The following DST variants were observed in gnomAD, a reference collection of about 807,000 sequenced individuals.
DST encodes dystonin.
Under a neutral mutation model 875.2 loss-of-function variants are expected in DST, and 253 were observed. That is an observed-to-expected ratio of 0.29 (90% confidence interval 0.26 to 0.32). The LOEUF is 0.32. Among genes scored for constraint, DST ranks in the 10% least tolerant of loss-of-function variants. The pLI is 1.00. For synonymous variants in DST, 3,124 were observed against 3,197.1 expected, an observed-to-expected ratio of 0.98 and a Z score of 0.77; for missense variants, 8,287 against 9,111.6, an observed-to-expected ratio of 0.91 and a Z score of 3.68.
chr6:56,522,899 G>A (rs1298481178), intron 69 of DST, among the ~76,000 whole-genome samples: 1 of 152,092 alleles, frequency 6.6e-6, no homozygotes, highest in Non-Finnish European at 1.5e-5. Flanking sequence ...CAGAACCCAA[G>A]TCTGTACATT....
chr6:56,734,564 G>T (rs1025041535), intron 5 of DST, among the ~76,000 whole-genome samples: 1 of 152,092 alleles, frequency 6.6e-6, no homozygotes, highest in African/African-American at 2.4e-5. Flanking sequence ...AATCCTAAGG[G>T]TTCCTTACAC....
chr6:56,629,170 C>T (rs1274465672), intron 32 of DST, 80 bp downstream of exon 32: 1 of 1,381,512 alleles, frequency 7.2e-7, no homozygotes, highest in South Asian at 1.2e-5. Flanking sequence ...AAAAAAATAG[C>T]CTCATATGTG....
chr6:56,603,468 C>A, intron 41 of DST, 48 bp from the exon 42 acceptor site: 1 of 1,595,190 alleles, frequency 6.3e-7, no homozygotes, highest in South Asian at 1.1e-5. Context: ...GTGAAAAACC[C>A]AAATATAAAC....
intron 49 of DST, among the ~76,000 whole-genome samples, chr6:56,586,716 C>T (rs1197362441): frequency 2.0e-5 from 3 of 152,032 alleles, no homozygotes. Flanking sequence ...GACAAAACTT[C>T]CAGAGGAATG....
intron 10 of DST, among the ~76,000 whole-genome samples, chr6:56,658,165 C>A (rs1056670272): frequency 6.6e-6 from 1 of 152,118 alleles, no homozygotes; most frequent in African/African-American, 2.4e-5. Flanking sequence ...TGGGTTCAAG[C>A]GATCCTCCTG....
chr6:56,598,188 C>T (rs762029798), intron 46 of DST, among the ~76,000 whole-genome samples, 182 bp from the exon 47 acceptor site: 1 of 152,086 alleles, frequency 6.6e-6, no homozygotes, highest in Non-Finnish European at 1.5e-5. Context: ...TTGAAGTTTC[C>T]CCTGTTCTTA....
In DST at chr6:56,578,865, C is replaced by A; in HGVS notation, c.12976G>T (p.Asp4326Tyr). 1 of 1,611,054 alleles carries A rather than the reference C, an allele frequency of 6.2e-7. No homozygotes were observed. The highest frequency in any genetic ancestry group is 2.2e-5 in the East Asian group (1 of 44,764). ...GCTGGAAGTAAAGATCCCCTGGCAT[C>A]TAAAAGCACTTCAGCCGTTTTCTTC... Reference protein sequence around the residue: ...KLKKTAEVLLDARGSLLPAKN... With the variant: ...KLKKTAEVLLYARGSLLPAKN... Residue 4326 changes from aspartate (D) to tyrosine (Y), a missense_variant, in exon 50 of 104, where the codon GAT becomes TAT. Asp to Tyr is a radical substitution (Grantham distance 160). Coordinates refer to ENST00000680361, the MANE Select transcript of DST (RefSeq NM_001374736.1).
intron 61 of DST, among the ~76,000 whole-genome samples, chr6:56,543,350 A>C (rs1428519356): frequency 3.9e-5 from 6 of 152,204 alleles, no homozygotes; most frequent in African/African-American, 7.2e-5. Context: ...TGTTCTCCAG[A>C]GTAAAGTATT....
intron 12 of DST, among the ~76,000 whole-genome samples, 171 bp from the exon 13 acceptor site, chr6:56,648,860 C>T (rs995414131): frequency 2.6e-5 from 4 of 152,168 alleles, no homozygotes; most frequent in African/African-American, 9.7e-5. Flanking sequence ...CACATAAACA[C>T]CTGTAAAATT....
chr6:56,465,990 C>G, intron 99 of DST, 88 bp downstream of exon 99: 1 of 1,090,306 alleles, frequency 9.2e-7, no homozygotes, highest in Non-Finnish European at 1.3e-6. Context: ...GAATAAATGA[C>G]CAAAATTATG....
In DST at chr6:56,629,230, G is replaced by C. The variant is rs2098757829; in HGVS notation, c.4475+20C>G. On this transcript the variant is annotated intron_variant, in intron 32 of 103. Coordinates refer to ENST00000680361, the MANE Select transcript of DST (RefSeq NM_001374736.1). The stretch of plus-strand genomic sequence containing the variant: ...TAGACATTAAATCTGTGCTAAAACT[G>C]AACAAAAAAGGATACTAACCTGTTG... 2 of 1,612,454 alleles carry C rather than the reference G, an allele frequency of 1.2e-6. No individual in the cohort carries two copies. Among genetic ancestry groups the C allele is most frequent in the Non-Finnish European group, 1.7e-6 (2 of 1,178,826 alleles).
At chr6:56,761,852 A>G (rs564713020) in intron 4 of DST, among the ~76,000 whole-genome samples, 96 of 152,348 alleles carry the variant, frequency 6.3e-4, no homozygotes, top group African/African-American at 2.2e-3. Context: ...AAATAATTAT[A>G]TATAGAAACT....
chr6:56,619,334 TCATTA>T, intron 36 of DST: 1 of 1,613,436 alleles, frequency 6.2e-7, no homozygotes, highest in Non-Finnish European at 8.5e-7. Flanking sequence ...CTCTGCACAC[TCATTA>T]CTTTTCTCCA....
In DST at chr6:56,632,986, A is replaced by G; in HGVS notation, c.3673T>C (p.Ser1225Pro). 6.2e-7 allele frequency: 1 copy of G among 1,613,970 alleles called. No individual in the cohort carries two copies. The highest frequency in any genetic ancestry group is 1.3e-5 in the African/African-American group (1 of 75,032). The change falls in exon 28 of 104, where the codon TCT becomes CCT. Residue 1225 changes from serine (S) to proline (P), a missense_variant. Ser to Pro is a moderately conservative substitution (Grantham distance 74). Around this residue, in one of 10 missense-constraint regions of DST, gnomAD observed 3,138 missense variants for 3,116.6 expected, o/e 1.01. Coordinates refer to ENST00000680361, the MANE Select transcript of DST (RefSeq NM_001374736.1). ...EHQQVLSNLQ[S>P]RFEDFLEDSQ... ...TCTTCCAGAAAATCTTCAAAACGAG[A>G]TTGTAGATTACTTAGAACTTGCTGA... is the stretch of plus-strand genomic sequence containing the variant.
Position 56,506,429 on chromosome 6 carries a change from T to C in DST, c.19464+14A>G. 7 of 1,603,992 alleles carry C rather than the reference T, an allele frequency of 4.4e-6. No homozygotes were observed. The highest frequency in any genetic ancestry group is 6.0e-6 in the Non-Finnish European group (7 of 1,173,272). ...TTCCAGCTAAGACCAGCACATACAC[T>C]GTAATCCCCTTACCTGCAGTCCATC... On this transcript the variant is annotated intron_variant, in intron 77 of 103. Transcript: ENST00000680361.
chr6:56,900,691 G>T (rs1372252554), intron 2 of DST, 70 bp from the exon 3 acceptor site: 2 of 1,184,312 alleles, frequency 1.7e-6, no homozygotes, highest in African/African-American at 1.6e-5. Context: ...TCCATGGCTA[G>T]TTATACAAAG....
intron 77 of DST, among the ~76,000 whole-genome samples, chr6:56,504,863 T>C (rs1012939265): frequency 1.3e-5 from 2 of 151,254 alleles, no homozygotes; most frequent in East Asian, 1.9e-4. Context: ...GGCTGGCTAA[T>C]AAAAAAAGAA....
At chr6:56,693,137 A>G in intron 9 of DST, 1 of 1,283,798 alleles carries the variant, frequency 7.8e-7, no homozygotes, top group Non-Finnish European at 1.0e-6. Context: ...ACACATCCAC[A>G]GACATTCCCC....
chr6:56,783,475 G>A (rs1454183685), intron 4 of DST, among the ~76,000 whole-genome samples: 15 of 152,228 alleles, frequency 9.9e-5, no homozygotes, highest in African/African-American at 2.2e-4. Flanking sequence ...TTACCATTAC[G>A]TAATGGCCTT....
Sources: gnomAD v4.1 joint callset for allele counts (sites outside exome capture counted in the v4.1 genomes callset) on GRCh38, gnomAD v4.1.1 for gene constraint, gnomAD v4.1.1 regional missense constraint, MANE v1.5 for transcripts, NCBI Gene and HGNC (gene_info 2026-07-23, HGNC 2026-07-21) for gene names.